Variants in ZBTB16 observed in about 807,000 individuals in gnomAD.
ZBTB16 encodes zinc finger and BTB domain containing 16, also known as zinc finger and BTB domain-containing protein 16.
A neutral mutation model predicts 56.8 loss-of-function variants in ZBTB16; 8 were observed. The observed-to-expected ratio is 0.14, with a 90% confidence interval of 0.08 to 0.25. ZBTB16 has a LOEUF of 0.25. Among genes scored for constraint, ZBTB16 ranks in the 10% least tolerant of loss-of-function variants. The pLI is 1.00. For missense variants in ZBTB16, 625 were observed against 903.0 expected, an observed-to-expected ratio of 0.69 and a Z score of 3.95; for synonymous variants, 363 against 368.5, an observed-to-expected ratio of 0.98 and a Z score of 0.17.
chr11:114,092,718 C>T (rs1239165638), intron 2 of ZBTB16, among the ~76,000 whole-genome samples: 1 of 152,080 alleles, frequency 6.6e-6, no homozygotes, highest in East Asian at 1.9e-4. Context: ...TATATAGGGC[C>T]GTCGTAAGGC....
chr11:114,203,391 C>G (rs182769871), intron 4 of ZBTB16, among the ~76,000 whole-genome samples: 1 of 152,200 alleles, frequency 6.6e-6, no homozygotes, highest in East Asian at 1.9e-4. Context: ...TGGTATTCAG[C>G]TTTATGAATA....
intron 4 of ZBTB16, among the ~76,000 whole-genome samples, chr11:114,204,917 C>T (rs565196268): frequency 1.3e-5 from 2 of 152,260 alleles, no homozygotes; most frequent in South Asian, 2.1e-4. Context: ...AATTTACTTC[C>T]GCTACTAATT....
intron 2 of ZBTB16, among the ~76,000 whole-genome samples, chr11:114,142,199 T>C (rs7109387): frequency 0.21 from 31,739 of 152,076 alleles, 3,440 homozygotes; most frequent in Admixed American, 0.26. Context: ...GTGGCAGCGG[T>C]GGTTAAGGAT....
intron 2 of ZBTB16, among the ~76,000 whole-genome samples, chr11:114,127,087 C>G (rs555818615): frequency 6.6e-6 from 1 of 152,266 alleles, no homozygotes; most frequent in East Asian, 1.9e-4. Flanking sequence ...TTGCAGTTCC[C>G]CCTTGCCCCC....
At chr11:114,116,682 T>C (rs1941184955) in intron 2 of ZBTB16, among the ~76,000 whole-genome samples, 1 of 152,188 alleles carries the variant, frequency 6.6e-6, no homozygotes, top group African/African-American at 2.4e-5. Flanking sequence ...TCCTAGCTCT[T>C]AATTTGGGGT....
chr11:114,144,697 T>C (rs767401986), intron 2 of ZBTB16, among the ~76,000 whole-genome samples: 7 of 152,226 alleles, frequency 4.6e-5, no homozygotes, highest in Non-Finnish European at 7.3e-5. Flanking sequence ...TTGCCTGGGA[T>C]ATTTTTGTTC....
intron 2 of ZBTB16, among the ~76,000 whole-genome samples, chr11:114,125,167 T>TA (rs1161220071): frequency 6.6e-6 from 1 of 152,206 alleles, no homozygotes; most frequent in Non-Finnish European, 1.5e-5. Context: ...AGTACAAAGA[T>TA]ATCTATAAAG....
chr11:114,159,937 C>CGGGGGGGGGG (rs140105293), intron 3 of ZBTB16, among the ~76,000 whole-genome samples: 16 of 93,594 alleles, frequency 1.7e-4, no homozygotes, highest in Middle Eastern at 5.3e-3. Flanking sequence ...GCGGGGGAGG[C>CGGGGGGGGGG]GGGGGGGAGG....
intron 2 of ZBTB16, among the ~76,000 whole-genome samples, chr11:114,105,249 T>C (rs1940748803): frequency 1.3e-5 from 2 of 152,022 alleles, no homozygotes. Context: ...TCTCTCTTTT[T>C]TTTTTTTGAG....
chr11:114,212,297 G>T (rs1053214760), intron 4 of ZBTB16, among the ~76,000 whole-genome samples: 3 of 152,138 alleles, frequency 2.0e-5, no homozygotes, highest in African/African-American at 7.2e-5. Context: ...GTCCCAAGAA[G>T]CTGGGAGTGA....
intron 2 of ZBTB16, among the ~76,000 whole-genome samples, chr11:114,103,253 A>G (rs1940677108): frequency 6.6e-6 from 1 of 152,116 alleles, no homozygotes; most frequent in Admixed American, 6.5e-5. Context: ...GGGAATTAAG[A>G]TAGATGGTGA....
chr11:114,130,438 C>T (rs1941630011), intron 2 of ZBTB16, among the ~76,000 whole-genome samples: 1 of 152,220 alleles, frequency 6.6e-6, no homozygotes, highest in Non-Finnish European at 1.5e-5. Context: ...GAATCTAGGA[C>T]TGATGCTGTG....
chr11:114,158,926 A>G (rs1011742455), intron 3 of ZBTB16, among the ~76,000 whole-genome samples: 2 of 152,218 alleles, frequency 1.3e-5, no homozygotes, highest in Middle Eastern at 3.2e-3. Flanking sequence ...CTCCTGTGGT[A>G]GGAACTGTTT....
chr11:114,105,879 G>A (rs1940771504), intron 2 of ZBTB16, among the ~76,000 whole-genome samples: 1 of 152,174 alleles, frequency 6.6e-6, no homozygotes, highest in Admixed American at 6.5e-5. Context: ...GATTGGGGTA[G>A]CCCAGATCAC....
In ZBTB16 at chr11:114,252,532, C is replaced by A. The variant is rs1419831381; in HGVS notation, c.*1977C>A. On this transcript the variant is annotated 3_prime_UTR_variant, in exon 7 of 7. Coordinates refer to ENST00000335953, the MANE Select transcript of ZBTB16 (RefSeq NM_006006.6). ...CCTCCCTCTTTTCCCCAACCTCCCC[C>A]GACCCTCCTGAATTTTGGAAAGCAC... Among the ~76,000 whole-genome samples the A allele has an allele frequency of 6.6e-6, 1 of 152,120 alleles. No individual in the cohort carries two copies. The highest frequency in any genetic ancestry group is 1.5e-5 in the Non-Finnish European group (1 of 68,024).
rs114855161 is a variant in ZBTB16 at position 114,216,351 on chromosome 11, G to T, written c.1454-25816G>T. Among the ~76,000 whole-genome samples the T allele has an allele frequency of 2.8e-4, 43 of 152,308 alleles. 2 individuals carry two copies. The highest frequency in any genetic ancestry group is 1.0e-3 in the African/African-American group (42 of 41,578). On this transcript the variant is annotated intron_variant, in intron 4 of 6. Coordinates refer to ENST00000335953, the MANE Select transcript of ZBTB16 (RefSeq NM_006006.6). ...TGAGTCTTACCTCTGCTGGCCTTGTGCTCAGACTGGCTGGTGGGCCATCTT... is the reference window on the plus strand; with the variant it reads ...TGAGTCTTACCTCTGCTGGCCTTGTTCTCAGACTGGCTGGTGGGCCATCTT...
intron 2 of ZBTB16, among the ~76,000 whole-genome samples, chr11:114,118,008 C>G (rs1031772899): frequency 2.0e-5 from 3 of 152,100 alleles, no homozygotes; most frequent in Non-Finnish European, 2.9e-5. Context: ...TACTGACTGA[C>G]GAAATCATGA....
At chr11:114,116,686 T>C (rs1211278075) in intron 2 of ZBTB16, among the ~76,000 whole-genome samples, 1 of 152,164 alleles carries the variant, frequency 6.6e-6, no homozygotes, top group Non-Finnish European at 1.5e-5. Flanking sequence ...AGCTCTTAAT[T>C]TGGGGTTAGA....
chr11:114,184,515 G>A (rs1943320790), intron 3 of ZBTB16, among the ~76,000 whole-genome samples: 1 of 152,172 alleles, frequency 6.6e-6, no homozygotes. Context: ...TTTGCAGATG[G>A]AACCCCAGGG....
Sources: gnomAD v4.1 joint callset for allele counts (sites outside exome capture counted in the v4.1 genomes callset) on GRCh38, gnomAD v4.1.1 for gene constraint, MANE v1.5 for transcripts, NCBI Gene and HGNC (gene_info 2026-07-23, HGNC 2026-07-21) for gene names.